The following BDP1 variants were observed in gnomAD, a reference collection of about 807,000 sequenced individuals.
BDP1 encodes the protein BDP1 general transcription factor IIIB subunit.
In BDP1, 169 loss-of-function variants were observed where a neutral mutation model predicts 266.6. The observed-to-expected ratio is 0.63, with a 90% CI of 0.56 to 0.72. The LOEUF (loss-of-function observed/expected upper bound fraction) is 0.72, where lower values mean the gene tolerates loss of function less well. Among genes scored for constraint, BDP1 ranks in the 30% least tolerant of loss-of-function variants. The probability of loss-of-function intolerance (pLI) is 0.00; values close to 1 mark genes in which losing one functional copy is unlikely to be tolerated. For synonymous variants in BDP1, 1,090 were observed against 1,022.4 expected, an observed-to-expected ratio of 1.07 and a Z score of -1.26; for missense variants, 3,015 against 3,053.8, an observed-to-expected ratio of 0.99 and a Z score of 0.30.
chr5:71,506,130 A>AT (rs1235164026), intron 16 of BDP1, among the ~76,000 whole-genome samples: 1 of 152,096 alleles, frequency 6.6e-6, no homozygotes, highest in Non-Finnish European at 1.5e-5. Flanking sequence ...TTTTATTTAT[A>AT]TTTTTTCAGT....
chr5:71,568,894 G>A (rs1363719315), downstream of BDP1, among the ~76,000 whole-genome samples: 1 of 152,174 alleles, frequency 6.6e-6, no homozygotes, highest in Non-Finnish European at 1.5e-5. Context: ...TCACTCTGAA[G>A]TAAGACAGTA....
In BDP1 at chr5:71,524,211, A is replaced by T. The variant is rs1488707538; in HGVS notation, c.5660A>T (p.Glu1887Val). 1.2e-6 allele frequency: 2 copies of T among 1,614,088 alleles called. No homozygotes were observed. Among genetic ancestry groups the T allele is most frequent in the Non-Finnish European group, 1.7e-6 (2 of 1,180,056 alleles). Residue 1887 changes from glutamate (E) to valine (V), a missense_variant, in exon 25 of 39, where the codon GAA becomes GTA. Physicochemically the swap from Glu to Val is moderately radical, Grantham distance 121 (BLOSUM62 -2). This residue lies in a region of BDP1 where 2,383 missense variants were observed against 2,404.9 expected (regional missense o/e 0.99). Coordinates refer to ENST00000358731, the MANE Select transcript of BDP1 (RefSeq NM_018429.3). ...GACGATTTTGAGTCTGACTATGAGG[A>T]AGAAAGCTATCATCTTGCTCCCGAA... ...DADDFESDYE[E>V]ESYHLAPEEV...
In BDP1 at chr5:71,467,363, A is replaced by G; in HGVS notation, c.795A>G (p.Val265=). The change falls in exon 6 of 39, where the codon GTA becomes GTG. Residue 265 remains valine, a synonymous_variant. Coordinates refer to ENST00000358731, the MANE Select transcript of BDP1 (RefSeq NM_018429.3). The part of the protein sequence containing the change: ...SIILDEESLT[V]EVLRTKGPCV... The stretch of plus-strand genomic sequence containing the variant: ...AATGTGTTTATTTCAGTTTAACTGT[A>G]GAAGTTTTAAGAACAAAAGGCCCTT... 2 of 1,603,348 alleles carry G rather than the reference A, an allele frequency of 1.2e-6. No individual in the cohort carries two copies. The highest frequency in any genetic ancestry group is 1.7e-6 in the Non-Finnish European group (2 of 1,173,726).
chr5:71,549,368 T>C (rs1742580507), intron 33 of BDP1, 52 bp from the exon 34 acceptor site: 1 of 1,343,960 alleles, frequency 7.4e-7, no homozygotes, highest in Admixed American at 2.1e-5. Context: ...TTAATGATAC[T>C]CTGTTATTTC....
chr5:71,544,628 C>G (rs1742121070), intron 31 of BDP1, 121 bp downstream of exon 31: 1 of 1,068,334 alleles, frequency 9.4e-7, no homozygotes, highest in Admixed American at 2.6e-5. Flanking sequence ...GCCTGTAATC[C>G]CGGCACTTTG....
At chr5:71,525,808 G>C (rs1765824491) in intron 25 of BDP1, among the ~76,000 whole-genome samples, 1 of 152,070 alleles carries the variant, frequency 6.6e-6, no homozygotes, top group Non-Finnish European at 1.5e-5. Context: ...CGGGGTGGCT[G>C]CTGGGCGGAG....
chr5:71,530,032 G>A (rs1176419974), intron 25 of BDP1, among the ~76,000 whole-genome samples: 1 of 152,176 alleles, frequency 6.6e-6, no homozygotes, highest in African/African-American at 2.4e-5. Flanking sequence ...ACATTGAATT[G>A]TACACCTTAA....
At chr5:71,573,215 G>A in the BDP1 span, among the ~76,000 whole-genome samples, 5 of 146,298 alleles carry the variant, frequency 3.4e-5, no homozygotes, top group South Asian at 2.3e-4. Flanking sequence ...GTGACAGAAC[G>A]AGACTCTGTT....
chr5:71,479,466 A>G (rs1762801973), intron 7 of BDP1, among the ~76,000 whole-genome samples: 1 of 151,968 alleles, frequency 6.6e-6, no homozygotes, highest in Non-Finnish European at 1.5e-5. Flanking sequence ...TTGTTTGTTT[A>G]TTCTAATATC....
chr5:71,466,047 G>A lies in BDP1; in HGVS notation c.660-49G>A, dbSNP rs777775537. On this transcript the variant is annotated intron_variant, in intron 4 of 38. Transcript: ENST00000358731. Reference sequence around the variant, plus strand: ...TTTATTTTAAGTTTTATACTATTTAGGCACACTTTTCATGCCTTTGTGAAT... The same window carrying A: ...TTTATTTTAAGTTTTATACTATTTAAGCACACTTTTCATGCCTTTGTGAAT... 9.4e-6 allele frequency: 15 copies of A among 1,591,470 alleles called. No individual in the cohort carries two copies. In the African/African-American group the frequency reaches 2.0e-4, roughly 22 times the overall value.
rs1285838880 is a variant in BDP1 at position 71,467,563 on chromosome 5, T to C, written c.919+76T>C. ...GACTGTTTCTGAATTAAATCAGTTCTCCCCTAAGTACATAAAATGCAAACT... is the reference window on the plus strand; with the variant it reads ...GACTGTTTCTGAATTAAATCAGTTCCCCCCTAAGTACATAAAATGCAAACT... On this transcript the variant is annotated intron_variant, in intron 6 of 38. Transcript: ENST00000358731. The C allele has an allele frequency of 1.5e-5, 19 of 1,245,540 alleles. No homozygotes were observed. In the Admixed American group the frequency reaches 3.0e-4, roughly 20 times the overall value. The allele number at this position is 1,245,540 out of a possible 1,614,324, so 77.2% of individuals were successfully genotyped here. A position where few individuals can be genotyped will look rare whatever the true frequency, so the allele number is the denominator to read the frequency against.
intron 35 of BDP1, among the ~76,000 whole-genome samples, chr5:71,554,037 A>G (rs865946097): frequency 6.6e-6 from 1 of 152,200 alleles, no homozygotes; most frequent in African/African-American, 2.4e-5. Context: ...ATACTCATCT[A>G]GTACTCATCA....
intron 22 of BDP1, among the ~76,000 whole-genome samples, chr5:71,518,847 T>G (rs1156498215): frequency 1.3e-5 from 2 of 150,504 alleles, no homozygotes; most frequent in East Asian, 3.9e-4. Flanking sequence ...TTTTTTTTTT[T>G]TTTTTTGGAG....
intron 21 of BDP1, 100 bp from the exon 22 acceptor site, chr5:71,517,222 A>G (rs964145598): frequency 4.4e-5 from 46 of 1,039,416 alleles, no homozygotes; most frequent in Non-Finnish European, 5.8e-5. Context: ...TTTAAAAAAG[A>G]AAAGGGATTT....
At chr5:71,547,703 T>C (rs1742434789) in intron 32 of BDP1, among the ~76,000 whole-genome samples, 1 of 152,118 alleles carries the variant, frequency 6.6e-6, no homozygotes, top group Non-Finnish European at 1.5e-5. Context: ...GTATTCCAGC[T>C]CTTTGGGAGG....
rs766044347 is a variant in BDP1, at chr5:71,464,038, T to C, written c.600-20T>C. The stretch of plus-strand genomic sequence containing the variant: ...ATAAATTAATAATTTATTAAAGATA[T>C]TGTTATTTATGTTCAATAGTTCTTC... On this transcript the variant is annotated intron_variant, in intron 3 of 38. Coordinates refer to ENST00000358731, the MANE Select transcript of BDP1 (RefSeq NM_018429.3). 9.3e-6 allele frequency: 13 copies of C among 1,399,864 alleles called. No homozygotes were observed. In the East Asian group the frequency reaches 1.9e-4, roughly 20 times the overall value. The allele number at this position is 1,399,864 out of a possible 1,614,324, so 86.7% of individuals were successfully genotyped here.
chr5:71,525,643 C>A (rs1422239697), intron 25 of BDP1, among the ~76,000 whole-genome samples: 1 of 128,080 alleles, frequency 7.8e-6, no homozygotes, highest in African/African-American at 2.8e-5. Flanking sequence ...GGGGGCTGAC[C>A]CCCCCACCTC....
At chr5:71,456,982 C>G (rs1374474155) in intron 1 of BDP1, among the ~76,000 whole-genome samples, 1 of 152,168 alleles carries the variant, frequency 6.6e-6, no homozygotes, top group Non-Finnish European at 1.5e-5. Flanking sequence ...TTGGCCTGAA[C>G]TGGTGCTGAG....
intron 13 of BDP1, among the ~76,000 whole-genome samples, chr5:71,499,247 G>A (rs1293037349): frequency 1.3e-5 from 2 of 152,088 alleles, no homozygotes; most frequent in African/African-American, 4.8e-5. Flanking sequence ...TTACAGGCGC[G>A]CGCCTCTATG....
Sources: allele counts gnomAD v4.1 joint callset (sites outside exome capture counted in the v4.1 genomes callset), GRCh38; gene constraint gnomAD v4.1.1; regional missense constraint gnomAD v4.1.1; transcripts MANE v1.5; gene names NCBI Gene and HGNC (gene_info 2026-07-23, HGNC 2026-07-21).